The following TMPRSS4 variants were observed in gnomAD, a reference collection of about 807,000 sequenced individuals.
TMPRSS4 encodes transmembrane protease serine 4.
In TMPRSS4, 45 loss-of-function variants were observed where a neutral mutation model predicts 56.4. The observed-to-expected ratio is 0.80, with a 90% CI of 0.63 to 1.02. TMPRSS4 has a LOEUF of 1.02. Among genes scored for constraint, TMPRSS4 ranks in the 50% least tolerant of loss-of-function variants. TMPRSS4 has a pLI of 0.00. For missense variants in TMPRSS4, 546 were observed against 556.7 expected (o/e 0.98, Z 0.19); for synonymous variants, 205 against 211.0 (o/e 0.97, Z 0.25).
chr11:118,078,605 C>T (rs1043382293), intron 1 of TMPRSS4, among the ~76,000 whole-genome samples: 1 of 152,268 alleles, frequency 6.6e-6, no homozygotes, highest in African/African-American at 2.4e-5. Context: ...GACGCTGTAT[C>T]CCCTGGGGCT....
At chr11:118,125,427 T>C (rs1947869679), downstream of TMPRSS4, 1 of 451,226 alleles carries the variant, frequency 2.2e-6, no homozygotes, top group Admixed American at 2.4e-5. Context: ...CTTTCTCTCA[T>C]TCCCTGCCTT....
chr11:118,083,054 C>A (rs1483482127), intron 1 of TMPRSS4, among the ~76,000 whole-genome samples: 1 of 152,206 alleles, frequency 6.6e-6, no homozygotes, highest in African/African-American at 2.4e-5. Flanking sequence ...CCTCCCTCTC[C>A]TCTGCTGCGC....
chr11:118,096,923 G>GAAAGAGAGA (rs1491244125), intron 2 of TMPRSS4, among the ~76,000 whole-genome samples: 1 of 19,096 alleles, frequency 5.2e-5, no homozygotes, highest in African/African-American at 1.5e-4. Context: ...GAGAGAGAAA[G>GAAAGAGAGA]GAAAGAAAGA....
chr11:118,115,031 T>A, intron 10 of TMPRSS4, 104 bp downstream of exon 10: 1 of 1,551,046 alleles, frequency 6.4e-7, no homozygotes. Context: ...AAACCCATCC[T>A]GGAGGACCAA....
At position 118,119,147 on chromosome 11, in the gene TMPRSS4, A is replaced by T. The variant is rs1383978196; in HGVS notation, c.*1234A>T. 1 of 985,388 alleles carries T rather than the reference A, an allele frequency of 1.0e-6. No individual in the cohort carries two copies. Among genetic ancestry groups the T allele is most frequent in the East Asian group, 1.1e-4 (1 of 8,834 alleles). 61.0% of individuals were successfully genotyped at this position (985,388 alleles called of 1,614,324 possible). A position where few individuals can be genotyped will look rare whatever the true frequency, so the allele number is the denominator to read the frequency against. On this transcript the variant is annotated 3_prime_UTR_variant, in exon 13 of 13. Transcript: ENST00000437212. ...AAACAAAGAAAATAGAAACCCAGAAAACAAAACAAAATAAAACAAAACCAT... is the reference window on the plus strand; with the variant it reads ...AAACAAAGAAAATAGAAACCCAGAATACAAAACAAAATAAAACAAAACCAT...
chr11:118,110,344 CT>C (rs11320723), intron 7 of TMPRSS4, among the ~76,000 whole-genome samples: 77,513 of 146,490 alleles, frequency 0.53, 20,168 homozygotes, highest in Middle Eastern at 0.65. Context: ...TAGATTCTCT[CT>C]TTTTTTTTTT....
chr11:118,086,375 A>G (rs1055663247), intron 1 of TMPRSS4, among the ~76,000 whole-genome samples: 6 of 152,256 alleles, frequency 3.9e-5, no homozygotes, highest in African/African-American at 1.4e-4. Context: ...CAAATTGCCA[A>G]TAGGTCAGCA....
intron 1 of TMPRSS4, among the ~76,000 whole-genome samples, chr11:118,079,175 T>C (rs912304273): frequency 1.3e-5 from 2 of 152,126 alleles, no homozygotes; most frequent in Non-Finnish European, 2.9e-5. Context: ...GCCCCGGAGC[T>C]AGCCATTATA....
In TMPRSS4 at chr11:118,110,317, AG is replaced by A. The variant is rs1947215597; in HGVS notation, c.584-1419del. ...GAAGACAATTTTTCCGCAAACCAAG[AG>A]GGGGATAGAGAGCATTAGATTCTCT... is the stretch of plus-strand genomic sequence containing the variant. On this transcript the variant is annotated intron_variant, in intron 7 of 12. Coordinates refer to ENST00000437212, the MANE Select transcript of TMPRSS4 (RefSeq NM_019894.4). Among the ~76,000 whole-genome samples, 4 of 150,658 alleles carry A rather than the reference AG, an allele frequency of 2.7e-5. No homozygotes were observed. In the South Asian group the frequency reaches 8.4e-4, roughly 32 times the overall value.
chr11:118,117,706 G>A lies in TMPRSS4; in HGVS notation c.1303-196G>A, dbSNP rs1297236122. 5 of 985,338 alleles carry A rather than the reference G, an allele frequency of 5.1e-6. No individual in the cohort carries two copies. In the African/African-American group the frequency reaches 5.2e-5, roughly 10 times the overall value. 61.0% of individuals were successfully genotyped at this position (985,338 alleles called of 1,614,324 possible). ...CTTTCTTTCTCTTTTCTGACAGAAT[G>A]AGACTATCAGATCCTTTCTAGAGAG... On this transcript the variant is annotated intron_variant, in intron 12 of 12. Transcript: ENST00000437212.
chr11:118,113,220 G>T (rs1013207119), intron 8 of TMPRSS4, 49 bp from the exon 9 acceptor site: 3 of 1,554,376 alleles, frequency 1.9e-6, no homozygotes, highest in Non-Finnish European at 2.6e-6. Context: ...CTTTGGCAAA[G>T]TCTCCTCAGG....
chr11:118,105,913 A>AG (rs1946967581), intron 5 of TMPRSS4: 1 of 152,200 alleles, frequency 6.6e-6, no homozygotes, highest in Non-Finnish European at 1.5e-5. Context: ...AATCAGAATT[A>AG]TTTGCCTTTC....
At chr11:118,077,371 A>T (rs1026982147) in intron 1 of TMPRSS4, 66 bp downstream of exon 1, 1 of 1,504,262 alleles carries the variant, frequency 6.6e-7, no homozygotes, top group South Asian at 1.3e-5. Context: ...AGGCCCTTCA[A>T]GCAGCCTGAG....
At chr11:118,103,779 C>T (rs967978273) in intron 4 of TMPRSS4, among the ~76,000 whole-genome samples, 1 of 152,166 alleles carries the variant, frequency 6.6e-6, no homozygotes. Flanking sequence ...CAAATGTGAG[C>T]CAGAAAGGAC....
At chr11:118,088,784 C>T (rs1448588580) in intron 1 of TMPRSS4, among the ~76,000 whole-genome samples, 3 of 152,248 alleles carry the variant, frequency 2.0e-5, no homozygotes, top group Non-Finnish European at 4.4e-5. Context: ...TAAATAAATA[C>T]ATCTCCAGCA....
chr11:118,118,796 A>G lies in TMPRSS4; in HGVS notation c.*883A>G. On this transcript the variant is annotated 3_prime_UTR_variant, in exon 13 of 13. Coordinates refer to ENST00000437212, the MANE Select transcript of TMPRSS4 (RefSeq NM_019894.4). Reference sequence around the variant, plus strand: ...GGTGACATTCAATCAGGGATCCACAAGTGGCTGGAAAGAAATGCTGGTCCT... The same window carrying G: ...GGTGACATTCAATCAGGGATCCACAGGTGGCTGGAAAGAAATGCTGGTCCT... The G allele has an allele frequency of 1.0e-6, 1 of 985,470 alleles. No individual in the cohort carries two copies. Among genetic ancestry groups the G allele is most frequent in the Non-Finnish European group, 1.2e-6 (1 of 829,948 alleles). The allele number at this position is 985,470 out of a possible 1,614,324, so 61.0% of individuals were successfully genotyped here. A position where few individuals can be genotyped will look rare whatever the true frequency, so the allele number is the denominator to read the frequency against.
chr11:118,118,314 C>T lies in TMPRSS4; in HGVS notation c.*401C>T. ...TGCGCCAGCCCTGTCCGTCTTCACC[C>T]ATCCCCAAGCCTACTAGAGCAAGAA... On this transcript the variant is annotated 3_prime_UTR_variant, in exon 13 of 13. Coordinates refer to ENST00000437212, the MANE Select transcript of TMPRSS4 (RefSeq NM_019894.4). 9.3e-7 allele frequency: 1 copy of T among 1,078,294 alleles called. No individual in the cohort carries two copies. 66.8% of individuals were successfully genotyped at this position (1,078,294 alleles called of 1,614,324 possible). A position where few individuals can be genotyped will look rare whatever the true frequency, so the allele number is the denominator to read the frequency against.
At chr11:118,116,344 C>T (rs947613205) in intron 11 of TMPRSS4, among the ~76,000 whole-genome samples, 1 of 152,204 alleles carries the variant, frequency 6.6e-6, no homozygotes, top group Non-Finnish European at 1.5e-5. Flanking sequence ...TTAGTCATCG[C>T]ATGTGTGCCA....
intron 3 of TMPRSS4, among the ~76,000 whole-genome samples, chr11:118,099,932 G>T (rs1383540275): frequency 6.6e-6 from 1 of 152,128 alleles, no homozygotes; most frequent in Non-Finnish European, 1.5e-5. Context: ...GAAGGAGCAG[G>T]GATGTGGGTC....
Sources: allele counts gnomAD v4.1 joint callset (sites outside exome capture counted in the v4.1 genomes callset), GRCh38; gene constraint gnomAD v4.1.1; transcripts MANE v1.5; gene names NCBI Gene and HGNC (gene_info 2026-07-23, HGNC 2026-07-21).